The following MED13 variants were observed in gnomAD, a reference collection of about 807,000 sequenced individuals.
MED13 encodes the protein mediator complex subunit 13, also known as mediator of RNA polymerase II transcription subunit 13.
Under a neutral mutation model 225.2 loss-of-function variants are expected in MED13, and 23 were observed. The ratio of observed to expected loss-of-function variants is 0.10; its 90% CI spans 0.07 to 0.14. MED13 has a LOEUF of 0.14. Among genes scored for constraint, MED13 ranks in the 10% least tolerant of loss-of-function variants. The pLI is 1.00. For synonymous variants in MED13, 942 were observed against 889.2 expected, an observed-to-expected ratio of 1.06 and a Z score of -1.06; for missense variants, 2,197 against 2,594.5, an observed-to-expected ratio of 0.85 and a Z score of 3.33.
chr17:62,003,393 G>C (rs1057130241), intron 9 of MED13, among the ~76,000 whole-genome samples: 1 of 152,132 alleles, frequency 6.6e-6, no homozygotes, highest in Non-Finnish European at 1.5e-5. Flanking sequence ...ATCACCTGAG[G>C]TCAGGAGTTC....
At position 61,963,235 on chromosome 17, in the gene MED13, G is replaced by GAAAAGAAAAAA. The variant is rs1458102816; in HGVS notation, c.4845-275_4845-265dup. Among the ~76,000 whole-genome samples, 297 of 77,248 alleles carry GAAAAGAAAAAA rather than the reference G, an allele frequency of 3.8e-3. 1 individual carries two copies. The highest frequency in any genetic ancestry group is 0.014 in the African/African-American group (282 of 20,086). The allele number at this position is 77,248 out of a possible 152,430, so 50.7% of individuals were successfully genotyped here. A position where few individuals can be genotyped will look rare whatever the true frequency, so the allele number is the denominator to read the frequency against. Reference sequence around the variant, plus strand: ...AAAAAAAAAAAAAAAAAAAAAGAAAGAAAAGAAAAAAAATTCTTAAAACCA... The same window carrying GAAAAGAAAAAA: ...AAAAAAAAAAAAAAAAAAAAAGAAAGAAAAGAAAAAAAAAAGAAAAAAAATTCTTAAAACCA... On this transcript the variant is annotated intron_variant, in intron 20 of 29. Transcript: ENST00000397786.
chr17:62,064,812 A>C (rs2081068040), intron 1 of MED13, among the ~76,000 whole-genome samples: 1 of 152,184 alleles, frequency 6.6e-6, no homozygotes, highest in Non-Finnish European at 1.5e-5. Flanking sequence ...AGGGCCAATA[A>C]GGAGAAAAGC....
rs990363317 is a variant in MED13 at position 62,012,215 on chromosome 17, C to CA, written c.1284-983dup. 1.2e-3 allele frequency among the ~76,000 whole-genome samples: 176 copies of CA among 146,902 alleles called. 3 individuals are homozygous for CA. The East Asian group carries it at 0.025, about 21-fold the overall frequency. ...TGGGTGACAGAGCAAGACTCCATCT[C>CA]AAAAAAAACAAAAACAAAAACAAAC... On this transcript the variant is annotated intron_variant, in intron 8 of 29. Transcript: ENST00000397786.
chr17:61,991,670 G>C (rs1197302374), intron 11 of MED13, among the ~76,000 whole-genome samples: 1 of 151,982 alleles, frequency 6.6e-6, no homozygotes, highest in Non-Finnish European at 1.5e-5. Flanking sequence ...TCCATGCCCA[G>C]CTAATTTTTC....
chr17:61,976,198 G>A lies in MED13; in HGVS notation c.3806-3310C>T, dbSNP rs140668337. Among the ~76,000 whole-genome samples, 17 of 152,074 alleles carry A rather than the reference G, an allele frequency of 1.1e-4. No individual in the cohort carries two copies. In the East Asian group the frequency reaches 3.1e-3, roughly 28 times the overall value. On this transcript the variant is annotated intron_variant, in intron 16 of 29. Transcript: ENST00000397786. ...ACTAATGAATGGATAAATAAAATAC[G>A]GTATCTTCATACAATGGAATATTAT... is the stretch of plus-strand genomic sequence containing the variant.
At chr17:62,050,320 T>C (rs931035415) in intron 3 of MED13, among the ~76,000 whole-genome samples, 2 of 150,158 alleles carry the variant, frequency 1.3e-5, no homozygotes, top group African/African-American at 4.9e-5. Flanking sequence ...ATCATACCAT[T>C]GCGCTCCAGC....
rs1369263078 is a variant in MED13 at position 61,955,729 on chromosome 17, A to G, written c.5733T>C (p.Ser1911=). The G allele has an allele frequency of 1.2e-6, 2 of 1,612,238 alleles. No individual in the cohort carries two copies. The highest frequency in any genetic ancestry group is 1.7e-6 in the Non-Finnish European group (2 of 1,179,478). ...ISAADSPSIL[S]ACLVAMEPQG... is the part of the protein sequence containing the mutation. The stretch of plus-strand genomic sequence containing the variant: ...GCGGCTCCATTGCCACCAAGCAAGC[A>G]CTGAGAATGCTAGGGGAGTCTGCAG... Residue 1911 remains serine (S), a synonymous_variant, in exon 25 of 30, where the codon AGT becomes AGC. Coordinates refer to ENST00000397786, the MANE Select transcript of MED13 (RefSeq NM_005121.3).
In MED13 at chr17:62,065,275, A is replaced by T; in HGVS notation, c.-70T>A. 1.3e-6 allele frequency: 1 copy of T among 787,594 alleles called. No homozygotes were observed. The highest frequency in any genetic ancestry group is 1.6e-5 in the South Asian group (1 of 60,670). 48.8% of individuals were successfully genotyped at this position (787,594 alleles called of 1,614,324 possible). On this transcript the variant is annotated 5_prime_UTR_variant, in exon 1 of 30. Transcript: ENST00000397786. ...CCATTACCGCCGCCTCCGACCAGAG[A>T]GAGAAACACAGACACCGGGGAGGGC...
intron 3 of MED13, among the ~76,000 whole-genome samples, chr17:62,050,410 G>A (rs770993553): frequency 6.6e-6 from 1 of 151,126 alleles, no homozygotes; most frequent in African/African-American, 2.4e-5. Context: ...GTGCAAAAGT[G>A]CCAATATCCA....
intron 16 of MED13, among the ~76,000 whole-genome samples, chr17:61,978,402 C>T (rs1457518904): frequency 6.6e-6 from 1 of 152,126 alleles, no homozygotes; most frequent in Non-Finnish European, 1.5e-5. Context: ...TAGGCATGCG[C>T]CACCATGCCC....
intron 19 of MED13, among the ~76,000 whole-genome samples, chr17:61,966,138 C>G (rs552559961): frequency 6.6e-6 from 1 of 152,336 alleles, no homozygotes; most frequent in East Asian, 1.9e-4. Flanking sequence ...AATGAAGAAT[C>G]TTCAAGTTAT....
At chr17:62,013,643 A>C (rs1178299662) in intron 8 of MED13, among the ~76,000 whole-genome samples, 1 of 152,190 alleles carries the variant, frequency 6.6e-6, no homozygotes, top group African/African-American at 2.4e-5. Flanking sequence ...TCAACATTTA[A>C]CATTTTACTG....
intron 3 of MED13, chr17:62,036,821 G>GT (rs1225007210): frequency 1.3e-5 from 2 of 152,184 alleles, no homozygotes; most frequent in Non-Finnish European, 2.9e-5. Context: ...AGTTACAAAT[G>GT]TAACTGACAG....
chr17:62,021,348 T>C (rs1183218344), intron 8 of MED13, among the ~76,000 whole-genome samples: 19 of 119,274 alleles, frequency 1.6e-4, no homozygotes, highest in Admixed American at 3.6e-4. Context: ...CCGGACAGGG[T>C]GGCTGGCCGG....
intron 29 of MED13, 38 bp from the exon 30 acceptor site, chr17:61,946,638 T>C (rs756630434): frequency 5.0e-6 from 8 of 1,599,128 alleles, no homozygotes; most frequent in Non-Finnish European, 6.8e-6. Context: ...ATTTATTTAT[T>C]TCCAACCTAG....
chr17:62,042,810 T>C lies in MED13; in HGVS notation c.471-7202A>G, dbSNP rs765356424. The stretch of plus-strand genomic sequence containing the variant: ...TCCAACACTTGATAGCTGTATGAGC[T>C]TGGACAGATTTGTAAGAGTCTACAG... On this transcript the variant is annotated intron_variant, in intron 3 of 29. Transcript: ENST00000397786. Among the ~76,000 whole-genome samples, 8 of 151,704 alleles carry C rather than the reference T, an allele frequency of 5.3e-5. No homozygotes were observed. The East Asian group carries it at 1.4e-3, about 26-fold the overall frequency.
At chr17:62,015,913 C>T (rs1486103459) in intron 8 of MED13, among the ~76,000 whole-genome samples, 1 of 12,052 alleles carries the variant, frequency 8.3e-5, no homozygotes, top group African/African-American at 3.4e-4. Context: ...ACACACTATA[C>T]ACATATATAT....
rs1173322941 is a variant in MED13, at chr17:61,955,743, G to C, written c.5719C>G (p.Pro1907Ala). The change falls in exon 25 of 30, where the codon CCT becomes GCT. Residue 1907 changes from proline to alanine, a missense_variant. Physicochemically the swap from Pro to Ala is conservative, Grantham distance 27. This residue lies in a region of MED13 where 216 missense variants were observed against 388.9 expected (regional missense o/e 0.56). Coordinates refer to ENST00000397786, the MANE Select transcript of MED13 (RefSeq NM_005121.3). ...RMCGISAADS[P>A]SILSACLVAM... ...ACCAAGCAAGCACTGAGAATGCTAG[G>C]GGAGTCTGCAGCAGATATACCACAC... 4.3e-5 allele frequency: 70 copies of C among 1,612,140 alleles called. No individual in the cohort carries two copies. The highest frequency in any genetic ancestry group is 5.8e-5 in the Non-Finnish European group (69 of 1,179,488).
rs1257604132 is a variant in MED13, at chr17:62,000,013, T to C, written c.1968-4648A>G. 1.3e-5 allele frequency among the ~76,000 whole-genome samples: 2 copies of C among 152,176 alleles called. 1 individual carries two copies. The highest frequency in any genetic ancestry group is 4.8e-5 in the African/African-American group (2 of 41,444). On this transcript the variant is annotated intron_variant, in intron 9 of 29. Transcript: ENST00000397786. Reference sequence around the variant, plus strand: ...TGAGCCCAGGAGTTCAAGGCTGCAGTGAGCCATGATCATGCCACTGCACCA... The same window carrying C: ...TGAGCCCAGGAGTTCAAGGCTGCAGCGAGCCATGATCATGCCACTGCACCA...
Sources: allele counts gnomAD v4.1 joint callset (sites outside exome capture counted in the v4.1 genomes callset), GRCh38; gene constraint gnomAD v4.1.1; regional missense constraint gnomAD v4.1.1; transcripts MANE v1.5; gene names NCBI Gene and HGNC (gene_info 2026-07-23, HGNC 2026-07-21).